Variants in NUP93 observed in about 807,000 individuals in gnomAD.
NUP93 encodes the protein nucleoporin 93.
NUP93 carries 55 observed loss-of-function variants against 107.8 expected under a neutral mutation model. The observed-to-expected ratio is 0.51, with a 90% CI of 0.41 to 0.64. The LOEUF (loss-of-function observed/expected upper bound fraction) is 0.64, where lower values mean the gene tolerates loss of function less well. Among genes scored for constraint, NUP93 ranks in the 30% least tolerant of loss-of-function variants. The pLI, the probability that NUP93 is intolerant of heterozygous loss-of-function variation, is 0.00. For synonymous variants in NUP93, 390 were observed against 397.5 expected (o/e 0.98, Z 0.22); for missense variants, 937 against 1,044.7 (o/e 0.90, Z 1.42).
In NUP93 at chr16:56,783,568, C is replaced by A. The variant is rs530755437; in HGVS notation, c.298-14908C>A. The A allele has an allele frequency of 3.6e-5, 35 of 985,420 alleles. No individual in the cohort carries two copies. The Middle Eastern group carries it at 4.2e-3, about 118-fold the overall frequency. The allele number at this position is 985,420 out of a possible 1,614,324, so 61.0% of individuals were successfully genotyped here. On this transcript the variant is annotated intron_variant, in intron 3 of 21. Coordinates refer to ENST00000308159, the MANE Select transcript of NUP93 (RefSeq NM_014669.5). ...ATGGGAGATGACTCAATTATCCACGCCTTGGTACAGTTGCAAATTATTTCC... is the reference window on the plus strand; with the variant it reads ...ATGGGAGATGACTCAATTATCCACGACTTGGTACAGTTGCAAATTATTTCC...
chr16:56,835,666 A>ACCTTGACCTGGTCTAGCCC (rs1963893556), intron 16 of NUP93, among the ~76,000 whole-genome samples: 2 of 152,204 alleles, frequency 1.3e-5, no homozygotes. Context: ...TGGTCCAGCC[A>ACCTTGACCTGGTCTAGCCC]CCTTGACCTG....
At chr16:56,783,597 T>C (rs1962560777) in intron 3 of NUP93, 8 of 985,436 alleles carry the variant, frequency 8.1e-6, no homozygotes, top group Non-Finnish European at 9.6e-6. Context: ...TATTTCCCTT[T>C]GTCTGAAGTG....
At chr16:56,786,155 G>C (rs189170275) in intron 3 of NUP93, among the ~76,000 whole-genome samples, 4 of 152,098 alleles carry the variant, frequency 2.6e-5, no homozygotes, top group Non-Finnish European at 5.9e-5. Context: ...TTTCTTTTGT[G>C]GTTCAAGGTA....
At chr16:56,826,515 A>T (rs1196519421) in intron 8 of NUP93, among the ~76,000 whole-genome samples, 4 of 8,738 alleles carry the variant, frequency 4.6e-4, no homozygotes, top group Non-Finnish European at 8.3e-4. Context: ...GACTCCGTCT[A>T]AAAAAAAAAA....
intron 4 of NUP93, among the ~76,000 whole-genome samples, chr16:56,802,675 T>C (rs1268913721): frequency 6.6e-6 from 1 of 152,190 alleles, no homozygotes; most frequent in Non-Finnish European, 1.5e-5. Context: ...GAAGAGTATA[T>C]GTATGTGATT....
rs879044367 is a variant in NUP93 at position 56,844,633 on chromosome 16, G to A, written c.*24G>A. ...AAGTGCCATGCTTTGTGGGAGTCTG[G>A]GTCGGCACACTGTCAGTACATCAGG... On this transcript the variant is annotated 3_prime_UTR_variant, in exon 22 of 22. Transcript: ENST00000308159. The A allele has an allele frequency of 1.3e-6, 2 of 1,524,108 alleles. No individual in the cohort carries two copies. The highest frequency in any genetic ancestry group is 1.8e-6 in the Non-Finnish European group (2 of 1,114,788). The allele number at this position is 1,524,108 out of a possible 1,614,324, so 94.4% of individuals were successfully genotyped here. A position where few individuals can be genotyped will look rare whatever the true frequency, so the allele number is the denominator to read the frequency against.
rs1261922963 is a variant in NUP93, at chr16:56,848,110, C to G, written c.*3501C>G. The G allele has an allele frequency of 6.6e-6, 1 of 152,226 alleles. No homozygotes were observed. Among genetic ancestry groups the G allele is most frequent in the Non-Finnish European group, 1.5e-5 (1 of 68,046 alleles). 9.4% of individuals were successfully genotyped at this position (152,226 alleles called of 1,614,324 possible). ...GGATCTCTACTATCCTTTTTCTCTA[C>G]TAGGCACCAGAACCTTTGTCTAGTT... On this transcript the variant is annotated 3_prime_UTR_variant, in exon 22 of 22. Coordinates refer to ENST00000308159, the MANE Select transcript of NUP93 (RefSeq NM_014669.5).
At position 56,848,056 on chromosome 16, in the gene NUP93, G is replaced by A. The variant is rs1964136171; in HGVS notation, c.*3447G>A. ...AATACTAAATTTGCAGTTATATGCAGCTCTGCCAACGCCTTCCTGCTTTAG... is the reference window on the plus strand; with the variant it reads ...AATACTAAATTTGCAGTTATATGCAACTCTGCCAACGCCTTCCTGCTTTAG... On this transcript the variant is annotated 3_prime_UTR_variant, in exon 22 of 22. Transcript: ENST00000308159. The A allele has an allele frequency of 6.6e-6, 1 of 152,170 alleles. No individual in the cohort carries two copies. Among genetic ancestry groups the A allele is most frequent in the African/African-American group, 2.4e-5 (1 of 41,446 alleles). The allele number at this position is 152,170 out of a possible 1,614,324, so 9.4% of individuals were successfully genotyped here.
intron 2 of NUP93, among the ~76,000 whole-genome samples, chr16:56,753,552 C>T (rs1829575050): frequency 6.6e-6 from 1 of 152,204 alleles, no homozygotes; most frequent in Non-Finnish European, 1.5e-5. Flanking sequence ...CAGGCTCCAT[C>T]CCAAACCTAT....
At chr16:56,789,669 A>AT (rs745550646) in intron 3 of NUP93, among the ~76,000 whole-genome samples, 5 of 152,272 alleles carry the variant, frequency 3.3e-5, no homozygotes, top group Non-Finnish European at 5.9e-5. Context: ...AAGAAATCAT[A>AT]TAACAGCATT....
chr16:56,768,648 C>T (rs1350261464), intron 3 of NUP93, among the ~76,000 whole-genome samples: 1 of 151,232 alleles, frequency 6.6e-6, no homozygotes, highest in Non-Finnish European at 1.5e-5. Context: ...GGGCGGATCA[C>T]AAGGTCAGGA....
At position 56,743,846 on chromosome 16, in the gene NUP93, G is replaced by C. The variant is rs374925277; in HGVS notation, c.-14-4388G>C. Among the ~76,000 whole-genome samples, 8 of 152,262 alleles carry C rather than the reference G, an allele frequency of 5.3e-5. 1 individual carries two copies. The East Asian group carries it at 1.5e-3, about 29-fold the overall frequency. ...GGTTCTCAGTTGCCCAGGTTGTTGA[G>C]GAGTTTCTGTGGAGGCTCAGTAGCA... On this transcript the variant is annotated intron_variant, in intron 1 of 21. Transcript: ENST00000308159.
chr16:56,802,561 G>A (rs1195089564), intron 4 of NUP93, among the ~76,000 whole-genome samples: 3 of 107,498 alleles, frequency 2.8e-5, no homozygotes, highest in African/African-American at 1.2e-4. Context: ...GTCCAGCAAC[G>A]CACCAACCTT....
At chr16:56,798,683 C>A in intron 4 of NUP93, 145 bp downstream of exon 4, 1 of 667,084 alleles carries the variant, frequency 1.5e-6, no homozygotes, top group Non-Finnish European at 2.6e-6. Context: ...GCCTAGGCAA[C>A]ATAGTGAGAC....
intron 3 of NUP93, among the ~76,000 whole-genome samples, chr16:56,767,378 G>A (rs1212642341): frequency 1.3e-5 from 2 of 152,196 alleles, no homozygotes; most frequent in South Asian, 2.1e-4. Flanking sequence ...AGACATATTT[G>A]CAATGAAGAC....
chr16:56,758,061 A>T (rs1188391165), intron 2 of NUP93, among the ~76,000 whole-genome samples: 1 of 140,610 alleles, frequency 7.1e-6, no homozygotes, highest in Non-Finnish European at 1.5e-5. Flanking sequence ...ACAGAGTGAC[A>T]CTCTGTCTCA....
rs1381923424 is a variant in NUP93 at position 56,846,060 on chromosome 16, G to T, written c.*1451G>T. On this transcript the variant is annotated 3_prime_UTR_variant, in exon 22 of 22. Transcript: ENST00000308159. ...CAGAGGCCTTGATTTAGCAAGTTGT[G>T]CCCTGCTTATATGTGCTGATTTAAG... 3.3e-5 allele frequency: 5 copies of T among 152,118 alleles called. No individual in the cohort carries two copies. Among genetic ancestry groups the T allele is most frequent in the African/African-American group, 1.2e-4 (5 of 41,404 alleles). 9.4% of individuals were successfully genotyped at this position (152,118 alleles called of 1,614,324 possible).
intron 6 of NUP93, among the ~76,000 whole-genome samples, chr16:56,821,125 C>G (rs555501013): frequency 8.0e-4 from 122 of 152,290 alleles, no homozygotes; most frequent in Non-Finnish European, 1.5e-3. Context: ...GAACCCTATA[C>G]CAGGGCCATT....
At chr16:56,756,884 T>C (rs1325903423) in intron 2 of NUP93, among the ~76,000 whole-genome samples, 1 of 152,258 alleles carries the variant, frequency 6.6e-6, no homozygotes. Flanking sequence ...TGCATTTCTC[T>C]AATAATCAGT....
Sources: allele counts gnomAD v4.1 joint callset (sites outside exome capture counted in the v4.1 genomes callset), GRCh38; gene constraint gnomAD v4.1.1; transcripts MANE v1.5; gene names NCBI Gene and HGNC (gene_info 2026-07-23, HGNC 2026-07-21).